Variants in TMEM26 observed in about 807,000 individuals in gnomAD.
TMEM26 encodes transmembrane protein 26.
A neutral mutation model predicts 28.8 loss-of-function variants in TMEM26; 38 were observed. The observed-to-expected ratio is 1.32, with a 90% CI of 1.02 to 1.73. The LOEUF is 1.73. Among genes scored for constraint, TMEM26 ranks in the 40% most tolerant of loss-of-function variants. The pLI is 0.00. For synonymous variants in TMEM26, 227 were observed against 182.9 expected (o/e 1.24, Z -1.95); for missense variants, 518 against 447.1 (o/e 1.16, Z -1.43).
At chr10:61,427,313 G>C (rs1267730076) in intron 4 of TMEM26, among the ~76,000 whole-genome samples, 1 of 151,938 alleles carries the variant, frequency 6.6e-6, no homozygotes, top group African/African-American at 2.4e-5. Context: ...TTACTGAATT[G>C]AAACAGTCTT....
At chr10:61,438,098 A>AGGAAG (rs1840037587) in intron 1 of TMEM26, among the ~76,000 whole-genome samples, 1 of 152,078 alleles carries the variant, frequency 6.6e-6, no homozygotes, top group African/African-American at 2.4e-5. Flanking sequence ...TCCTAGAGAG[A>AGGAAG]GGAAGGGAGA....
chr10:61,435,300 C>A (rs1337761803), intron 2 of TMEM26, among the ~76,000 whole-genome samples: 1 of 152,138 alleles, frequency 6.6e-6, no homozygotes, highest in Non-Finnish European at 1.5e-5. Flanking sequence ...CCTGCCTTGG[C>A]CTCCACAGTA....
intron 5 of TMEM26, 95 bp downstream of exon 5, chr10:61,413,364 A>G: frequency 6.6e-7 from 1 of 1,522,074 alleles, no homozygotes; most frequent in Non-Finnish European, 8.8e-7. Flanking sequence ...GGATACAGAC[A>G]TGATAATCCT....
intron 4 of TMEM26, chr10:61,414,923 T>C: frequency 1.1e-6 from 1 of 946,124 alleles, no homozygotes; most frequent in Non-Finnish European, 1.3e-6. Flanking sequence ...AATTAAGAAA[T>C]ATTCCAGGTG....
intron 5 of TMEM26, 27 bp downstream of exon 5, chr10:61,413,432 T>C (rs1554803252): frequency 1.9e-6 from 3 of 1,601,774 alleles, no homozygotes; most frequent in Non-Finnish European, 2.6e-6. Context: ...ATTTTCTATT[T>C]CTTTGCACAA....
intron 4 of TMEM26, among the ~76,000 whole-genome samples, chr10:61,426,133 G>C (rs1839827624): frequency 6.6e-6 from 1 of 152,060 alleles, no homozygotes. Flanking sequence ...AAACAACATG[G>C]ATGAATCCCA....
rs147377377 is a variant in TMEM26, at chr10:61,435,123, G to A, written c.270+1047C>T. 2.3e-4 allele frequency among the ~76,000 whole-genome samples: 35 copies of A among 152,260 alleles called. 1 individual carries two copies. Among genetic ancestry groups the A allele is most frequent in the African/African-American group, 8.4e-4 (35 of 41,574 alleles). ...CTCAACCTAGAGACTGCTTATTAGAGTTGTCTGTGTAGAAAATAGCTGTAT... is the reference window on the plus strand; with the variant it reads ...CTCAACCTAGAGACTGCTTATTAGAATTGTCTGTGTAGAAAATAGCTGTAT... On this transcript the variant is annotated intron_variant, in intron 2 of 5. Coordinates refer to ENST00000399298, the MANE Select transcript of TMEM26 (RefSeq NM_178505.8).
Position 61,429,135 on chromosome 10 carries a change from A to G in TMEM26, c.396T>C (p.Phe132=). ...ADDLIETAKV[F]VNNLSTVCEK... ...CACATACTGTAGATAAGTTATTCAC[A>G]AAAACTTTGGCCTGTTTAACAGAAA... Residue 132 remains phenylalanine (F), a synonymous_variant, in exon 4 of 6, where the codon TTT becomes TTC. Transcript: ENST00000399298. The G allele has an allele frequency of 6.2e-7, 1 of 1,612,566 alleles. No individual in the cohort carries two copies. The highest frequency in any genetic ancestry group is 8.5e-7 in the Non-Finnish European group (1 of 1,179,196).
chr10:61,429,088 A>G lies in TMEM26; in HGVS notation c.443T>C (p.Leu148Pro), dbSNP rs1362186633. Reference sequence around the variant, plus strand: ...TAGCATTAACAGGAATGTCTGATGGAGTCCCAATGTCCAAACTTTCTCACA... The same window carrying G: ...TAGCATTAACAGGAATGTCTGATGGGGTCCCAATGTCCAAACTTTCTCACA... ...TVCEKVWTLGLHQTFLLMLII... is the reference protein window; with the variant it reads ...TVCEKVWTLGPHQTFLLMLII... Residue 148 changes from leucine (L) to proline (P), a missense_variant, in exon 4 of 6, where the codon CTC (leucine) becomes CCC (proline). Physicochemically the swap from Leu to Pro is moderately conservative, Grantham distance 98 (BLOSUM62 -3). Coordinates refer to ENST00000399298, the MANE Select transcript of TMEM26 (RefSeq NM_178505.8). 1.2e-6 allele frequency: 2 copies of G among 1,613,226 alleles called. No individual in the cohort carries two copies. Among genetic ancestry groups the G allele is most frequent in the African/African-American group, 2.7e-5 (2 of 74,874 alleles).
intron 4 of TMEM26, among the ~76,000 whole-genome samples, chr10:61,419,469 A>G (rs888344205): frequency 6.6e-6 from 1 of 152,118 alleles, no homozygotes; most frequent in Non-Finnish European, 1.5e-5. Context: ...GTAAATAAAG[A>G]TACAGAAACT....
intron 3 of TMEM26, among the ~76,000 whole-genome samples, chr10:61,430,918 T>C (rs1190367342): frequency 6.6e-6 from 1 of 152,042 alleles, no homozygotes; most frequent in Non-Finnish European, 1.5e-5. Flanking sequence ...TTTTTAATTA[T>C]ATCATTGTTT....
At chr10:61,436,631 G>C (rs575728104) in intron 1 of TMEM26, among the ~76,000 whole-genome samples, 15 of 152,234 alleles carry the variant, frequency 9.9e-5, no homozygotes, top group African/African-American at 2.2e-4. Flanking sequence ...GAATTTATTA[G>C]ACATTACAAT....
chr10:61,442,186 A>G (rs1446870202), intron 1 of TMEM26, among the ~76,000 whole-genome samples: 1 of 152,162 alleles, frequency 6.6e-6, no homozygotes, highest in Non-Finnish European at 1.5e-5. Flanking sequence ...CAAAGTTGTC[A>G]TTTCAACAAA....
chr10:61,439,384 G>A (rs1359904421), intron 1 of TMEM26, among the ~76,000 whole-genome samples: 1 of 152,154 alleles, frequency 6.6e-6, no homozygotes, highest in Non-Finnish European at 1.5e-5. Flanking sequence ...ATCACAGTGT[G>A]TTACTAAGTC....
At chr10:61,433,183 T>C (rs894021814) in intron 2 of TMEM26, among the ~76,000 whole-genome samples, 5 of 152,170 alleles carry the variant, frequency 3.3e-5, no homozygotes, top group African/African-American at 7.2e-5. Flanking sequence ...AATAGCTTCA[T>C]AGTCCATATT....
rs892420849 is a variant in TMEM26 at position 61,415,189 on chromosome 10, G to A, written c.606-1654C>T. 6 of 981,168 alleles carry A rather than the reference G, an allele frequency of 6.1e-6. No individual in the cohort carries two copies. The East Asian group carries it at 4.5e-4, about 74-fold the overall frequency. The allele number at this position is 981,168 out of a possible 1,614,324, so 60.8% of individuals were successfully genotyped here. On this transcript the variant is annotated intron_variant, in intron 4 of 5. Transcript: ENST00000399298. ...AGAATAGAATTGGATAGAAGAAAGA[G>A]CATTTCACAGCAGCAGCCATAAAAA...
At chr10:61,441,855 C>T (rs372030929) in intron 1 of TMEM26, among the ~76,000 whole-genome samples, 12 of 152,246 alleles carry the variant, frequency 7.9e-5, no homozygotes, top group African/African-American at 2.2e-4. Context: ...TTACTTTGCT[C>T]AACTATATTT....
chr10:61,437,539 T>C (rs1840027570), intron 1 of TMEM26, among the ~76,000 whole-genome samples: 1 of 152,196 alleles, frequency 6.6e-6, no homozygotes, highest in African/African-American at 2.4e-5. Context: ...ATCCCAGCAC[T>C]TTGGGAGGCC....
At chr10:61,415,549 T>A (rs563622060) in intron 4 of TMEM26, among the ~76,000 whole-genome samples, 1 of 152,184 alleles carries the variant, frequency 6.6e-6, no homozygotes, top group East Asian at 1.9e-4. Context: ...TAGACACAAT[T>A]GTTATCTCTA....
Sources: gnomAD v4.1 joint callset for allele counts (sites outside exome capture counted in the v4.1 genomes callset) on GRCh38, gnomAD v4.1.1 for gene constraint, MANE v1.5 for transcripts, NCBI Gene and HGNC (gene_info 2026-07-23, HGNC 2026-07-21) for gene names.